EBF2: variants seen among roughly 807,000 people sequenced by gnomAD.
EBF2 encodes the protein transcription factor COE2.
In EBF2, 21 loss-of-function variants were observed where a neutral mutation model predicts 72.8. The observed-to-expected ratio is 0.29, with a 90% CI of 0.20 to 0.42. The LOEUF is 0.42. EBF2 is among the 10% of genes least tolerant of loss of function. The pLI, the probability that EBF2 is intolerant of heterozygous loss-of-function variation, is 1.00. For missense variants in EBF2, 637 were observed against 731.2 expected (o/e 0.87, Z 1.49); for synonymous variants, 299 against 274.2 (o/e 1.09, Z -0.89).
At chr8:25,900,601 G>A (rs1255780449) in intron 7 of EBF2, among the ~76,000 whole-genome samples, 2 of 152,044 alleles carry the variant, frequency 1.3e-5, no homozygotes, top group Non-Finnish European at 2.9e-5. Context: ...TATTCTGGTG[G>A]ACCTAATCTA....
intron 6 of EBF2, among the ~76,000 whole-genome samples, chr8:26,018,863 T>A (rs1031450754): frequency 6.9e-5 from 10 of 145,334 alleles, no homozygotes; most frequent in Non-Finnish European, 1.0e-4. Flanking sequence ...CCATTTTAAA[T>A]GTAAACAAGC....
chr8:25,880,110 G>C (rs1585273241), intron 10 of EBF2, among the ~76,000 whole-genome samples: 1 of 152,112 alleles, frequency 6.6e-6, no homozygotes, highest in Non-Finnish European at 1.5e-5. Context: ...TAACATAGCA[G>C]TTAACAAACA....
At chr8:25,884,050 G>A (rs909476357) in intron 10 of EBF2, among the ~76,000 whole-genome samples, 1 of 152,124 alleles carries the variant, frequency 6.6e-6, no homozygotes, top group African/African-American at 2.4e-5. Context: ...TTTAAATCCT[G>A]TCTAGATGCT....
intron 10 of EBF2, among the ~76,000 whole-genome samples, chr8:25,864,787 AT>A (rs2117266155): frequency 6.8e-6 from 1 of 147,144 alleles, no homozygotes; most frequent in African/African-American, 2.5e-5. Flanking sequence ...TTAAAACTAC[AT>A]TTTCTCAACT....
chr8:26,044,635 A>G lies in EBF2; in HGVS notation c.131+94T>C, dbSNP rs537521982. The G allele has an allele frequency of 1.5e-5, 23 of 1,512,642 alleles. No individual in the cohort carries two copies. In the South Asian group the frequency reaches 2.7e-4, roughly 18 times the overall value. 93.7% of individuals were successfully genotyped at this position (1,512,642 alleles called of 1,614,324 possible). ...GGGCGACAGATGGGGGGACAGGGAG[A>G]GAGAAAGGCACGGGGTGCGCGGGGG... On this transcript the variant is annotated intron_variant, in intron 1 of 15. Transcript: ENST00000520164. This position sits in a 1 kb window ranked among gnomAD's most constrained non-coding sequence, Gnocchi z 4.1.
chr8:25,865,886 G>A (rs1169134391), intron 10 of EBF2, among the ~76,000 whole-genome samples: 2 of 151,746 alleles, frequency 1.3e-5, no homozygotes, highest in Non-Finnish European at 2.9e-5. Flanking sequence ...TTAGCCGGGC[G>A]TGGTGGCGGG....
intron 10 of EBF2, among the ~76,000 whole-genome samples, chr8:25,880,076 G>T (rs184960162): frequency 6.6e-6 from 1 of 152,018 alleles, no homozygotes; most frequent in Non-Finnish European, 1.5e-5. Context: ...GATACCTAAC[G>T]TTCTCCTCTT....
At chr8:25,918,197 C>T (rs1176887069) in intron 6 of EBF2, among the ~76,000 whole-genome samples, 5 of 152,178 alleles carry the variant, frequency 3.3e-5, no homozygotes, top group Non-Finnish European at 2.9e-5. Flanking sequence ...CAGTTTTCAG[C>T]TTTCTACCTA....
intron 6 of EBF2, among the ~76,000 whole-genome samples, chr8:26,002,186 G>T (rs1804739119): frequency 6.6e-6 from 1 of 152,140 alleles, no homozygotes; most frequent in South Asian, 2.1e-4. Flanking sequence ...CCCACTTCTG[G>T]GGCTGAGCTT....
intron 10 of EBF2, among the ~76,000 whole-genome samples, chr8:25,876,186 C>T (rs1802517762): frequency 6.6e-6 from 1 of 152,168 alleles, no homozygotes; most frequent in South Asian, 2.1e-4. Context: ...ACCGCATGTT[C>T]TCACTCATAA....
intron 5 of EBF2, among the ~76,000 whole-genome samples, chr8:26,033,629 A>G (rs1449827475): frequency 1.3e-5 from 2 of 152,184 alleles, no homozygotes; most frequent in Non-Finnish European, 2.9e-5. Flanking sequence ...CAGGAAGAAT[A>G]GCTAATGGAT....
intron 6 of EBF2, among the ~76,000 whole-genome samples, chr8:25,959,250 G>A (rs1266827361): frequency 6.6e-6 from 1 of 152,200 alleles, no homozygotes; most frequent in African/African-American, 2.4e-5. Flanking sequence ...TGTCACCCAG[G>A]CTGGAGTGCA....
chr8:26,018,321 G>C (rs977252913), intron 6 of EBF2, among the ~76,000 whole-genome samples: 6 of 151,094 alleles, frequency 4.0e-5, no homozygotes, highest in African/African-American at 1.5e-4. Context: ...GAAGAGAAAA[G>C]GCTGCAAGTA....
rs77992084 is a variant in EBF2, at chr8:25,848,067, G to C, written c.1696+2527C>G. 1.8e-4 allele frequency among the ~76,000 whole-genome samples: 27 copies of C among 152,166 alleles called. No individual in the cohort carries two copies. In the East Asian group the frequency reaches 4.6e-3, roughly 26 times the overall value. On this transcript the variant is annotated intron_variant, in intron 15 of 15. Transcript: ENST00000520164. ...ATAAAAACTTTTATCTTTTAGAGAT[G>C]AGGTCTTGCTATGTTGCACAGGCTA...
chr8:25,938,075 G>A (rs1008475326), intron 6 of EBF2, among the ~76,000 whole-genome samples: 2 of 152,164 alleles, frequency 1.3e-5, no homozygotes, highest in Admixed American at 6.5e-5. Flanking sequence ...TTTGTGGCAT[G>A]GAATATTTTG....
At chr8:25,930,296 T>C (rs1803458817) in intron 6 of EBF2, among the ~76,000 whole-genome samples, 1 of 152,142 alleles carries the variant, frequency 6.6e-6, no homozygotes, top group Admixed American at 6.5e-5. Flanking sequence ...TCAAGTAGTG[T>C]AGGAAAAACA....
In EBF2 at chr8:25,850,682, G is replaced by C. The variant is rs1362149531; in HGVS notation, c.1608C>G (p.Val536=). The C allele has an allele frequency of 4.5e-6, 7 of 1,563,954 alleles. No homozygotes were observed. Among genetic ancestry groups the C allele is most frequent in the Middle Eastern group, 3.4e-4 (2 of 5,908 alleles). ...LPFSSSVFPA[V]KQKSAFAPVI... is the part of the protein sequence containing the mutation. ...CAGGGGCAAAGGCACTCTTCTGTTTGACAGCAGGAAAAACTGAAGAGGAAA... is the reference window on the plus strand; with the variant it reads ...CAGGGGCAAAGGCACTCTTCTGTTTCACAGCAGGAAAAACTGAAGAGGAAA... Residue 536 remains valine (V), a synonymous_variant, in exon 15 of 16, where the codon GTC becomes GTG. Coordinates refer to ENST00000520164, the MANE Select transcript of EBF2 (RefSeq NM_022659.4).
At chr8:26,007,479 T>C (rs1437845719) in intron 6 of EBF2, among the ~76,000 whole-genome samples, 1 of 152,154 alleles carries the variant, frequency 6.6e-6, no homozygotes, top group Admixed American at 6.5e-5. Flanking sequence ...TTTTTAATCA[T>C]CTAATCCAGG....
chr8:25,987,171 A>T (rs1804474987), intron 6 of EBF2, among the ~76,000 whole-genome samples: 1 of 152,258 alleles, frequency 6.6e-6, no homozygotes, highest in Non-Finnish European at 1.5e-5. Flanking sequence ...CTTAGCAAAG[A>T]GTCATATTTA....
Sources: gnomAD v4.1 joint callset for allele counts (sites outside exome capture counted in the v4.1 genomes callset) on GRCh38, gnomAD v4.1.1 for gene constraint, Gnocchi (gnomAD v3.1) non-coding constraint, MANE v1.5 for transcripts, NCBI Gene and HGNC (gene_info 2026-07-23, HGNC 2026-07-21) for gene names.